RBFOX1: variants seen among roughly 807,000 people sequenced by gnomAD.
The protein encoded by RBFOX1 is RNA binding fox-1 homolog 1.
A neutral mutation model predicts 57.7 loss-of-function variants in RBFOX1; 8 were observed. The ratio of observed to expected loss-of-function variants is 0.14; its 90% CI spans 0.08 to 0.25. The LOEUF is 0.25. Among genes scored for constraint, RBFOX1 ranks in the 10% least tolerant of loss-of-function variants. RBFOX1 has a pLI of 1.00. For missense variants in RBFOX1, 611 were observed against 548.5 expected (o/e 1.11, Z -1.14); for synonymous variants, 326 against 222.4 (o/e 1.47, Z -4.15).
chr16:5,581,848 A>T (rs976674299), intron 2 of RBFOX1, among the ~76,000 whole-genome samples: 8 of 152,214 alleles, frequency 5.3e-5, no homozygotes, highest in Non-Finnish European at 8.8e-5. Context: ...GATATTATCT[A>T]GGGACAAAGA....
At chr16:6,999,147 G>A (rs2092537618) in intron 3 of RBFOX1, among the ~76,000 whole-genome samples, 1 of 150,528 alleles carries the variant, frequency 6.6e-6, no homozygotes, top group African/African-American at 2.4e-5. Flanking sequence ...GGGATTACAG[G>A]TGTGAGCCAC....
At chr16:6,478,103 C>G (rs2095302594) in intron 2 of RBFOX1, among the ~76,000 whole-genome samples, 1 of 152,036 alleles carries the variant, frequency 6.6e-6, no homozygotes, top group African/African-American at 2.4e-5. Context: ...AGCAACAAGG[C>G]TCTTTTACTT....
intron 4 of RBFOX1, among the ~76,000 whole-genome samples, chr16:5,943,890 C>A (rs1348693307): frequency 6.6e-6 from 1 of 151,980 alleles, no homozygotes; most frequent in African/African-American, 2.4e-5. Context: ...TTCACCCAGC[C>A]ATTCATCTAC....
At chr16:7,167,424 G>C (rs1253023384) in intron 4 of RBFOX1, among the ~76,000 whole-genome samples, 1 of 152,060 alleles carries the variant, frequency 6.6e-6, no homozygotes, top group Non-Finnish European at 1.5e-5. Context: ...GAGACTCAGA[G>C]GAGAAGGCCA....
At chr16:6,882,668 A>C (rs2063191208) in intron 3 of RBFOX1, among the ~76,000 whole-genome samples, 1 of 152,088 alleles carries the variant, frequency 6.6e-6, no homozygotes, top group South Asian at 2.1e-4. Context: ...CTTGGCAGGT[A>C]CCCATTGGCT....
chr16:5,678,034 T>C (rs1395464561), intron 3 of RBFOX1, among the ~76,000 whole-genome samples: 1 of 152,242 alleles, frequency 6.6e-6, no homozygotes, highest in African/African-American at 2.4e-5. Context: ...CTGAACCCTT[T>C]TGTGTATTTA....
At chr16:6,562,298 G>A (rs1206842600) in intron 2 of RBFOX1, among the ~76,000 whole-genome samples, 1 of 152,154 alleles carries the variant, frequency 6.6e-6, no homozygotes, top group Admixed American at 6.5e-5. Flanking sequence ...CACACTAATT[G>A]TACAGAACAG....
chr16:6,658,293 G>A (rs901988448), intron 3 of RBFOX1, among the ~76,000 whole-genome samples: 2 of 151,418 alleles, frequency 1.3e-5, no homozygotes, highest in Non-Finnish European at 2.9e-5. Context: ...GGATTGCAGT[G>A]GTGTGATCGT....
intron 1 of RBFOX1, among the ~76,000 whole-genome samples, chr16:5,247,051 G>C (rs568676510): frequency 6.6e-6 from 1 of 152,122 alleles, no homozygotes; most frequent in Non-Finnish European, 1.5e-5. Context: ...TTCACTTAAC[G>C]TAATATCCTC....
chr16:5,709,899 A>C (rs2051421292), intron 3 of RBFOX1, among the ~76,000 whole-genome samples: 1 of 119,488 alleles, frequency 8.4e-6, no homozygotes, highest in Admixed American at 9.8e-5. Flanking sequence ...TATTCTTCAC[A>C]ACGGCCCCGT....
At chr16:6,004,304 C>G (rs943547128) in intron 4 of RBFOX1, among the ~76,000 whole-genome samples, 1 of 152,218 alleles carries the variant, frequency 6.6e-6, no homozygotes, top group Non-Finnish European at 1.5e-5. Context: ...TTGGACATTT[C>G]ACTTAGCTTC....
At chr16:7,396,988 C>T (rs1269301698) in intron 4 of RBFOX1, among the ~76,000 whole-genome samples, 3 of 151,992 alleles carry the variant, frequency 2.0e-5, no homozygotes, top group African/African-American at 7.2e-5. Context: ...TAGCAGTGGA[C>T]AAATGAAGTA....
intron 2 of RBFOX1, among the ~76,000 whole-genome samples, chr16:6,493,083 C>G (rs576350028): frequency 3.9e-5 from 6 of 152,232 alleles, no homozygotes; most frequent in African/African-American, 1.4e-4. Context: ...AAGAGAAAAG[C>G]CTCCATTTTG....
intron 4 of RBFOX1, among the ~76,000 whole-genome samples, chr16:7,421,214 G>C (rs2098539634): frequency 6.6e-6 from 1 of 150,584 alleles, no homozygotes; most frequent in Non-Finnish European, 1.5e-5. Flanking sequence ...AAATGAAGTA[G>C]ACATGGGAGG....
At chr16:7,013,892 C>T (rs1284411026) in intron 3 of RBFOX1, among the ~76,000 whole-genome samples, 1 of 152,086 alleles carries the variant, frequency 6.6e-6, no homozygotes, top group African/African-American at 2.4e-5. Context: ...TCTTGATCTC[C>T]AAAAATCTTC....
intron 3 of RBFOX1, among the ~76,000 whole-genome samples, chr16:6,899,745 C>T (rs1219098251): frequency 6.6e-6 from 1 of 152,202 alleles, no homozygotes; most frequent in Non-Finnish European, 1.5e-5. Context: ...TGTGCTGTCC[C>T]TCAACATTTA....
At chr16:7,313,115 C>T (rs114942622) in intron 4 of RBFOX1, among the ~76,000 whole-genome samples, 1,659 of 152,224 alleles carry the variant, frequency 0.011, 33 homozygotes, top group African/African-American at 0.037. Flanking sequence ...ACTCTTCATC[C>T]GGGCCACTCC....
At chr16:7,709,364 T>C (rs1214556923) in intron 15 of RBFOX1, 57 of 1,104,480 alleles carry the variant, frequency 5.2e-5, no homozygotes, top group Non-Finnish European at 7.0e-5. Flanking sequence ...AAGTCTCACC[T>C]AGCAGAGCAC....
chr16:5,315,156 T>C (rs957296836), intron 1 of RBFOX1, among the ~76,000 whole-genome samples: 16 of 152,116 alleles, frequency 1.1e-4, no homozygotes, highest in African/African-American at 3.4e-4. Context: ...ATCACGTTGT[T>C]GGTGGAGTCT....
Sources: allele counts gnomAD v4.1 joint callset (sites outside exome capture counted in the v4.1 genomes callset), GRCh38; gene constraint gnomAD v4.1.1; transcripts MANE v1.5; gene names NCBI Gene and HGNC (gene_info 2026-07-23, HGNC 2026-07-21).